Variants in DENND2C observed in about 807,000 individuals in gnomAD.
DENND2C encodes DENN domain containing 2C.
Under a neutral mutation model 112.4 loss-of-function variants are expected in DENND2C, and 72 were observed. That is an observed-to-expected ratio of 0.64 (90% CI 0.53 to 0.78). The LOEUF (loss-of-function observed/expected upper bound fraction) is 0.78. Ranked by LOEUF, DENND2C falls within the 30% of genes least tolerant of loss-of-function variation. DENND2C has a pLI of 0.00. For missense variants in DENND2C, 992 were observed against 1,113.8 expected (o/e 0.89, Z 1.56); for synonymous variants, 329 against 381.6 (o/e 0.86, Z 1.61).
At position 114,661,525 on chromosome 1, in the gene DENND2C, T is replaced by C. The variant is rs78256018; in HGVS notation, c.-573-6764A>G. Among the ~76,000 whole-genome samples, 114 of 152,360 alleles carry C rather than the reference T, an allele frequency of 7.5e-4. 1 individual carries two copies. The East Asian group carries it at 0.017, about 23-fold the overall frequency. ...CTTTGAAAATATTTGAAAGGGCTTA[T>C]TTAAAAGTCCAGTATGCTATGTTTC... is the stretch of plus-strand genomic sequence containing the variant. On this transcript the variant is annotated intron_variant, in intron 1 of 20. Coordinates refer to ENST00000393274, the MANE Select transcript of DENND2C (RefSeq NM_001256404.2).
chr1:114,608,936 G>GA, intron 9 of DENND2C, 63 bp from the exon 10 acceptor site: 1 of 1,574,026 alleles, frequency 6.4e-7, no homozygotes, highest in Non-Finnish European at 8.7e-7. Context: ...TCAGCATCCA[G>GA]AGGTCATGAC....
intron 18 of DENND2C, among the ~76,000 whole-genome samples, chr1:114,591,802 T>C (rs998175166): frequency 2.6e-5 from 4 of 151,316 alleles, no homozygotes; most frequent in Non-Finnish European, 5.9e-5. Flanking sequence ...TTCTGTATAG[T>C]GTGAGGTGTA....
rs568524054 is a variant in DENND2C, at chr1:114,595,958, A to G, written c.2284-85T>C. 3 of 1,281,098 alleles carry G rather than the reference A, an allele frequency of 2.3e-6. No homozygotes were observed. The African/African-American group carries it at 4.5e-5, about 19-fold the overall frequency. 79.4% of individuals were successfully genotyped at this position (1,281,098 alleles called of 1,614,324 possible). On this transcript the variant is annotated intron_variant, in intron 16 of 20. Coordinates refer to ENST00000393274, the MANE Select transcript of DENND2C (RefSeq NM_001256404.2). ...ATGAGAATAGTTTTAAACAAAATTT[A>G]CTCAAAGTTTCAGCCCATTTAAAAG...
intron 3 of DENND2C, among the ~76,000 whole-genome samples, chr1:114,636,945 A>G (rs142115669): frequency 3.6e-4 from 54 of 151,906 alleles, no homozygotes; most frequent in Admixed American, 1.7e-3. Flanking sequence ...GTACAACAGC[A>G]TAAAAACATG....
At chr1:114,636,446 G>A (rs539688388) in intron 3 of DENND2C, among the ~76,000 whole-genome samples, 8 of 152,164 alleles carry the variant, frequency 5.3e-5, no homozygotes, top group African/African-American at 1.9e-4. Flanking sequence ...AGGACAGATG[G>A]CTTGAGCTCA....
intron 18 of DENND2C, among the ~76,000 whole-genome samples, chr1:114,590,124 T>A (rs1035707882): frequency 6.6e-6 from 1 of 152,220 alleles, no homozygotes; most frequent in African/African-American, 2.4e-5. Context: ...GCAGCTAAAA[T>A]GGCTCATGCC....
At chr1:114,611,038 CACA>C (rs1393439862) in intron 9 of DENND2C, 32 bp downstream of exon 9, 2 of 1,613,818 alleles carry the variant, frequency 1.2e-6, no homozygotes, top group South Asian at 1.1e-5. Context: ...CCATGATCAT[CACA>C]ACAACGGGAG....
At chr1:114,601,353 C>G (rs1255760892) in intron 13 of DENND2C, among the ~76,000 whole-genome samples, 155 bp downstream of exon 13, 1 of 152,154 alleles carries the variant, frequency 6.6e-6, no homozygotes, top group South Asian at 2.1e-4. Context: ...ATAGCAAGAG[C>G]AAATGGATTA....
At chr1:114,655,876 A>G (rs572591116) in intron 1 of DENND2C, among the ~76,000 whole-genome samples, 10 of 54,150 alleles carry the variant, frequency 1.8e-4, no homozygotes, top group African/African-American at 4.3e-4. Flanking sequence ...TTATATATAT[A>G]TGTATAAATA....
At chr1:114,590,952 C>CA (rs2101640396) in intron 18 of DENND2C, among the ~76,000 whole-genome samples, 1 of 152,056 alleles carries the variant, frequency 6.6e-6, no homozygotes, top group South Asian at 2.1e-4. Flanking sequence ...TTCTTACCAA[C>CA]ACTTGATATT....
chr1:114,617,736 G>GA (rs1021336201), intron 8 of DENND2C, among the ~76,000 whole-genome samples: 35 of 138,594 alleles, frequency 2.5e-4, no homozygotes, highest in East Asian at 8.3e-4. Flanking sequence ...TATCCTCAGA[G>GA]AAAAAAAAAA....
intron 18 of DENND2C, among the ~76,000 whole-genome samples, chr1:114,592,434 A>G (rs75025037): frequency 0.011 from 1,665 of 152,132 alleles, 23 homozygotes; most frequent in Middle Eastern, 0.054. Flanking sequence ...ATTAAATTTT[A>G]TGGTTGGGCG....
chr1:114,664,213 T>C (rs1334247322), intron 1 of DENND2C, among the ~76,000 whole-genome samples: 1 of 152,128 alleles, frequency 6.6e-6, no homozygotes, highest in Admixed American at 6.5e-5. Flanking sequence ...GTGCTGATTA[T>C]AGGCATGGGG....
At chr1:114,593,419 T>G (rs920898943) in intron 18 of DENND2C, among the ~76,000 whole-genome samples, 1 of 152,262 alleles carries the variant, frequency 6.6e-6, no homozygotes, top group Non-Finnish European at 1.5e-5. Flanking sequence ...GATGTCTGCT[T>G]AAGTATTAAA....
intron 1 of DENND2C, among the ~76,000 whole-genome samples, chr1:114,662,601 T>C (rs1657527954): frequency 6.6e-6 from 1 of 151,756 alleles, no homozygotes; most frequent in African/African-American, 2.4e-5. Context: ...TGCTAAAAAC[T>C]CTGTTTTCAC....
At chr1:114,628,405 G>A (rs1304188555) in intron 3 of DENND2C, among the ~76,000 whole-genome samples, 1 of 151,636 alleles carries the variant, frequency 6.6e-6, no homozygotes, top group Non-Finnish European at 1.5e-5. Flanking sequence ...TAAATGATGT[G>A]TACTGATGGT....
At chr1:114,606,383 G>A (rs780207954) in intron 10 of DENND2C, among the ~76,000 whole-genome samples, 44 of 152,134 alleles carry the variant, frequency 2.9e-4, no homozygotes, top group Non-Finnish European at 5.4e-4. Context: ...ATCCATGCAG[G>A]AAATGTCTCT....
At chr1:114,621,757 C>T in intron 7 of DENND2C, 138 bp downstream of exon 7, 1 of 1,176,636 alleles carries the variant, frequency 8.5e-7, no homozygotes. Context: ...AAATTTAAAA[C>T]ATAACGCTGC....
intron 16 of DENND2C, among the ~76,000 whole-genome samples, chr1:114,596,271 A>C (rs913129731): frequency 2.0e-5 from 3 of 152,130 alleles, no homozygotes; most frequent in Non-Finnish European, 4.4e-5. Flanking sequence ...CTGATCTGAG[A>C]GGATCATTTG....
Sources: gnomAD v4.1 joint callset for allele counts (sites outside exome capture counted in the v4.1 genomes callset) on GRCh38, gnomAD v4.1.1 for gene constraint, MANE v1.5 for transcripts, NCBI Gene and HGNC (gene_info 2026-07-23, HGNC 2026-07-21) for gene names.